The following WDR62 variants were observed in gnomAD, a reference collection of about 807,000 sequenced individuals.
WDR62 encodes the protein WD repeat-containing protein 62.
WDR62 carries 112 observed loss-of-function variants against 160.6 expected under a neutral mutation model. That is an observed-to-expected ratio of 0.70 (90% CI 0.60 to 0.82). The LOEUF is 0.82. Ranked by LOEUF, WDR62 falls within the 40% of genes least tolerant of loss-of-function variation. WDR62 has a pLI of 0.00. For missense variants in WDR62, 1,819 were observed against 1,983.8 expected (o/e 0.92, Z 1.58); for synonymous variants, 792 against 815.1 (o/e 0.97, Z 0.48).
At chr19:36,074,560 AG>A (rs1214191327) in intron 9 of WDR62, among the ~76,000 whole-genome samples, 1 of 152,072 alleles carries the variant, frequency 6.6e-6, no homozygotes, top group Non-Finnish European at 1.5e-5. Context: ...GGGCTGCGGC[AG>A]GGGGGCTGAA....
Position 36,103,065 on chromosome 19 carries a change from C to A in WDR62, c.3453C>A (p.Asp1151Glu), listed in dbSNP as rs747144038. The change falls in exon 28 of 32, where the codon GAC becomes GAA. Residue 1151 changes from aspartate (D) to glutamate (E), a missense_variant. Asp to Glu is a conservative substitution (Grantham distance 45, BLOSUM62 2). Coordinates refer to ENST00000401500, the MANE Select transcript of WDR62 (RefSeq NM_001083961.2). ...CAGGTACTGGCTACGCCTCCCCAGA[C>A]AGGACCCACGTGAGTATTGGGCCCA... ...PRAGTGYASPDRTHVLAAGKA... is the reference protein window; with the variant it reads ...PRAGTGYASPERTHVLAAGKA... The A allele has an allele frequency of 1.2e-6, 2 of 1,614,090 alleles. No homozygotes were observed. The highest frequency in any genetic ancestry group is 1.7e-6 in the Non-Finnish European group (2 of 1,180,046).
Position 36,055,007 on chromosome 19 carries a change from C to G in WDR62, c.36C>G (p.Asn12Lys). 6.2e-7 allele frequency: 1 copy of G among 1,607,988 alleles called. No homozygotes were observed. Among genetic ancestry groups the G allele is most frequent in the Non-Finnish European group, 8.5e-7 (1 of 1,178,494 alleles). ...AAVGSGGYAR[N>K]DAGEKLPSVM... ...TAGGGTCCGGAGGCTATGCGCGGAA[C>G]GATGCAGGGGAGAAGCTGCCCTCTG... Residue 12 changes from asparagine (N) to lysine (K), a missense_variant, in exon 1 of 32, where the codon AAC becomes AAG. Around this residue, in one of 3 missense-constraint regions of WDR62, gnomAD observed 115 missense variants for 92.4 expected, o/e 1.24. Transcript: ENST00000401500.
intron 1 of WDR62, among the ~76,000 whole-genome samples, chr19:36,056,446 T>G (rs1970376857): frequency 6.6e-6 from 1 of 152,202 alleles, no homozygotes; most frequent in Non-Finnish European, 1.5e-5. Flanking sequence ...CCTCCTGGCC[T>G]TTGTGATTGG....
rs886054361 is a variant in WDR62, at chr19:36,102,972, G to A, written c.3360G>A (p.Arg1120=). The A allele has an allele frequency of 5.6e-6, 9 of 1,614,090 alleles. No homozygotes were observed. The highest frequency in any genetic ancestry group is 7.6e-6 in the Non-Finnish European group (9 of 1,180,028). The change falls in exon 28 of 32, where the codon CGG becomes CGA. Residue 1120 remains arginine, a synonymous_variant. Coordinates refer to ENST00000401500, the MANE Select transcript of WDR62 (RefSeq NM_001083961.2). ...GGTTCACCCATACCTTCCCTCCCCG[G>A]GCAACCCAGTGCCTTGTGAAGTCTC... is the stretch of plus-strand genomic sequence containing the variant. ...ASRFTHTFPP[R]ATQCLVKSPE...
intron 10 of WDR62, 72 bp from the exon 11 acceptor site, chr19:36,082,991 G>C (rs1454951540): frequency 1.5e-6 from 2 of 1,369,800 alleles, no homozygotes; most frequent in Non-Finnish European, 2.0e-6. Context: ...GAAGAGACTG[G>C]CTATGGAGGG....
downstream of WDR62, among the ~76,000 whole-genome samples, chr19:36,105,443 G>A (rs750477108): frequency 2.6e-5 from 4 of 151,926 alleles, no homozygotes; most frequent in Non-Finnish European, 5.9e-5. Flanking sequence ...AGCAGTCCAC[G>A]CTTTGCCATA....
Position 36,058,847 on chromosome 19 carries a change from C to T in WDR62, c.245C>T (p.Thr82Ile). ...NSSGLTCDPG[T>I]GHVAYLAGCV... is the part of the protein sequence containing the mutation. ...AGTGGCCTAACCTGTGACCCCGGCA[C>T]AGGCCATGTGGCCTACCTGGCAGGG... Residue 82 changes from threonine to isoleucine, a missense_variant, in exon 2 of 32, where the codon ACA (threonine) becomes ATA (isoleucine). Transcript: ENST00000401500. 6 of 1,614,242 alleles carry T rather than the reference C, an allele frequency of 3.7e-6. No homozygotes were observed. The highest frequency in any genetic ancestry group is 5.1e-6 in the Non-Finnish European group (6 of 1,180,010).
intron 3 of WDR62, 67 bp from the exon 4 acceptor site, chr19:36,065,891 C>T (rs111368877): frequency 2.8e-5 from 42 of 1,498,530 alleles, no homozygotes; most frequent in African/African-American, 8.3e-5. Flanking sequence ...CTATCAGAGT[C>T]GCCAGGATGG....
intron 10 of WDR62, 34 bp downstream of exon 10, chr19:36,081,604 A>T: frequency 6.2e-7 from 1 of 1,614,088 alleles, no homozygotes; most frequent in Non-Finnish European, 8.5e-7. Flanking sequence ...ATCTTTCAGG[A>T]GGAACAAAGA....
intron 9 of WDR62, among the ~76,000 whole-genome samples, chr19:36,079,237 A>G (rs987228957): frequency 2.6e-5 from 4 of 152,098 alleles, no homozygotes; most frequent in South Asian, 4.2e-4. Flanking sequence ...ATGCACTACC[A>G]TGCCCAGCTA....
At position 36,054,943 on chromosome 19, in the gene WDR62, T is replaced by TC; in HGVS notation, c.-29_-28insC. 6.4e-7 allele frequency: 1 copy of TC among 1,562,330 alleles called. No homozygotes were observed. Among genetic ancestry groups the TC allele is most frequent in the South Asian group, 1.2e-5 (1 of 86,496 alleles). On this transcript the variant is annotated 5_prime_UTR_variant, in exon 1 of 32. It removes an upstream start codon present in the reference 5' UTR. Coordinates refer to ENST00000401500, the MANE Select transcript of WDR62 (RefSeq NM_001083961.2). The stretch of plus-strand genomic sequence containing the variant: ...GGTGGCGGCAGCGGCGGTTAGGGGA[T>TC]GTAACGGTCGCCCGCCTCCGGCGTG...
intron 7 of WDR62, among the ~76,000 whole-genome samples, chr19:36,068,944 A>AC (rs546007428): frequency 0.014 from 2,004 of 144,852 alleles, 27 homozygotes; most frequent in South Asian, 0.045. Flanking sequence ...GGGCAGAGGC[A>AC]CCCCCCATCT....
rs767400617 is a variant in WDR62, at chr19:36,103,565, C to A, written c.3737C>A (p.Ala1246Asp). Residue 1246 changes from alanine to aspartate, a missense_variant, in exon 30 of 32, where the codon GCC (alanine) becomes GAC (aspartate). By Grantham distance (126) the Ala-to-Asp change is moderately radical (BLOSUM62 -2). Around this residue, in one of 3 missense-constraint regions of WDR62, gnomAD observed 770 missense variants for 734.2 expected, o/e 1.05. Coordinates refer to ENST00000401500, the MANE Select transcript of WDR62 (RefSeq NM_001083961.2). ...DSEGPIVATL[A>D]QPLRRPSSVG... The stretch of plus-strand genomic sequence containing the variant: ...GAGGGCCCTATCGTGGCCACACTGG[C>A]CCAGCCCCTCCGTAGGCCATCGTCC... 1.2e-6 allele frequency: 2 copies of A among 1,613,806 alleles called. No homozygotes were observed. The highest frequency in any genetic ancestry group is 2.7e-5 in the African/African-American group (2 of 74,950).
At chr19:36,073,610 C>T (rs1346763710) in intron 9 of WDR62, 79 bp downstream of exon 9, 2 of 1,175,520 alleles carry the variant, frequency 1.7e-6, no homozygotes, top group Non-Finnish European at 2.5e-6. Flanking sequence ...TTCAGTAATT[C>T]CTTCAGAAGA....
At chr19:36,071,791 G>A (rs1971314801) in intron 8 of WDR62, 75 bp downstream of exon 8, 102 of 1,536,748 alleles carry the variant, frequency 6.6e-5, no homozygotes, top group Non-Finnish European at 7.8e-5. Flanking sequence ...CATGCTTCCA[G>A]ATCCATCTAT....
rs752912223 is a variant in WDR62, at chr19:36,102,087, G to C, written c.3156G>C (p.Gln1052His). The change falls in exon 26 of 32, where the codon CAG becomes CAC. Residue 1052 changes from glutamine (Q) to histidine (H), a missense_variant. Physicochemically the swap from Gln to His is conservative, Grantham distance 24 (BLOSUM62 0). Coordinates refer to ENST00000401500, the MANE Select transcript of WDR62 (RefSeq NM_001083961.2). ...GCGTCCCCAGCAGCTCCCTACCCCA[G>C]ACTCCGGAGCAGGAGAAGTTCCTCC... ...GPSVPSSSLP[Q>H]TPEQEKFLRH... 1.2e-6 allele frequency: 2 copies of C among 1,614,172 alleles called. No individual in the cohort carries two copies. Among genetic ancestry groups the C allele is most frequent in the Non-Finnish European group, 1.7e-6 (2 of 1,180,034 alleles).
In WDR62 at chr19:36,071,548, C is replaced by G; in HGVS notation, c.883-8C>G. 1 of 1,614,224 alleles carries G rather than the reference C, an allele frequency of 6.2e-7. No homozygotes were observed. Among genetic ancestry groups the G allele is most frequent in the African/African-American group, 1.3e-5 (1 of 75,070 alleles). The stretch of plus-strand genomic sequence containing the variant: ...CCAAATCCACTGGGGTCCCTTTTGC[C>G]CCTACAGGTCTCCCTGTCTTCCTGC... On this transcript the variant is annotated splice_region_variant and splice_polypyrimidine_tract_variant and intron_variant, in intron 7 of 31. Coordinates refer to ENST00000401500, the MANE Select transcript of WDR62 (RefSeq NM_001083961.2).
intron 13 of WDR62, 124 bp from the exon 14 acceptor site, chr19:36,088,914 C>T: frequency 9.1e-7 from 1 of 1,102,482 alleles, no homozygotes; most frequent in South Asian, 1.3e-5. Context: ...ACCCACCTCA[C>T]CACCTTTAGG....
At chr19:36,085,588 C>T (rs1445133585) in intron 12 of WDR62, among the ~76,000 whole-genome samples, 1 of 151,546 alleles carries the variant, frequency 6.6e-6, no homozygotes, top group African/African-American at 2.4e-5. Context: ...ATTACAGGCA[C>T]GCCCCCACCA....
Sources: allele counts gnomAD v4.1 joint callset (sites outside exome capture counted in the v4.1 genomes callset), GRCh38; gene constraint gnomAD v4.1.1; regional missense constraint gnomAD v4.1.1; transcripts MANE v1.5; gene names NCBI Gene and HGNC (gene_info 2026-07-23, HGNC 2026-07-21).